Variants in PCDHGB1 observed in about 807,000 individuals in gnomAD.
PCDHGB1 encodes protocadherin gamma-B1.
Under a neutral mutation model 56.6 loss-of-function variants are expected in PCDHGB1, and 34 were observed. That is an observed-to-expected ratio of 0.60 (90% CI 0.46 to 0.80). The LOEUF (loss-of-function observed/expected upper bound fraction) is 0.80. Among genes scored for constraint, PCDHGB1 ranks in the 30% least tolerant of loss-of-function variants. The pLI, the probability that PCDHGB1 is intolerant of heterozygous loss-of-function variation, is 0.00. For synonymous variants in PCDHGB1, 561 were observed against 505.9 expected (o/e 1.11, Z -1.46); for missense variants, 1,278 against 1,204.6 (o/e 1.06, Z -0.90).
At chr5:141,385,412 G>T in intron 1 of PCDHGB1, 1 of 1,472,506 alleles carries the variant, frequency 6.8e-7, no homozygotes, top group Admixed American at 2.7e-5. Context: ...TTGAAAATAG[G>T]GATTTAAAAA....
intron 1 of PCDHGB1, chr5:141,389,301 A>T: frequency 6.2e-7 from 1 of 1,614,008 alleles, no homozygotes; most frequent in Non-Finnish European, 8.5e-7. Context: ...TTCACAAGTC[A>T]GGGCTTCTGA....
At position 141,431,203 on chromosome 5, in the gene PCDHGB1, T is replaced by C. The variant is rs139061906; in HGVS notation, c.2410-63604T>C. On this transcript the variant is annotated intron_variant, in intron 1 of 3. Coordinates refer to ENST00000523390, the MANE Select transcript of PCDHGB1 (RefSeq NM_018922.3). This position sits in a 1 kb window ranked among gnomAD's most constrained non-coding sequence, Gnocchi z 4.8. ...TAAAAATTAGTGAAAATGCAGCCACTGAGATGCGGTTCCCTCTACCCCACG... is the reference window on the plus strand; with the variant it reads ...TAAAAATTAGTGAAAATGCAGCCACCGAGATGCGGTTCCCTCTACCCCACG... The C allele has an allele frequency of 3.1e-6, 5 of 1,614,116 alleles. No individual in the cohort carries two copies. The highest frequency in any genetic ancestry group is 1.1e-5 in the South Asian group (1 of 91,090).
At chr5:141,368,236 C>G (rs1444187989) in intron 1 of PCDHGB1, among the ~76,000 whole-genome samples, 1 of 152,160 alleles carries the variant, frequency 6.6e-6, no homozygotes, top group Non-Finnish European at 1.5e-5. Context: ...CTACATTACT[C>G]AACCACATGA....
chr5:141,413,365 G>A (rs1046513869), intron 1 of PCDHGB1: 14 of 1,614,000 alleles, frequency 8.7e-6, no homozygotes, highest in Non-Finnish European at 1.2e-5. Flanking sequence ...CCGGGAGCTG[G>A]CGGAGCGCGG....
rs1289898516 is a variant in PCDHGB1 at position 141,487,019 on chromosome 5, C to G, written c.2410-7788C>G. ...CTATCAGCTCCTGGAGGCCCCAGAT[C>G]CCAGCCTGTTTGCAGTCTCTCGATA... On this transcript the variant is annotated intron_variant, in intron 1 of 3. Transcript: ENST00000523390. The surrounding 1 kb of genome is among the most constrained non-coding windows in gnomAD (Gnocchi z 5.0). 1 of 1,614,204 alleles carries G rather than the reference C, an allele frequency of 6.2e-7. No homozygotes were observed. The highest frequency in any genetic ancestry group is 8.5e-7 in the Non-Finnish European group (1 of 1,180,042).
intron 1 of PCDHGB1, among the ~76,000 whole-genome samples, chr5:141,465,343 TG>T (rs1048302340): frequency 1.5e-4 from 23 of 152,118 alleles, no homozygotes; most frequent in African/African-American, 5.3e-4. Flanking sequence ...TATTGGTTAC[TG>T]AAGAAAAAAT....
rs867810670 is a variant in PCDHGB1 at position 141,385,551 on chromosome 5, T to C, written c.2409+32882T>C. 11 of 1,313,528 alleles carry C rather than the reference T, an allele frequency of 8.4e-6. No individual in the cohort carries two copies. The African/African-American group carries it at 9.1e-5, about 11-fold the overall frequency. 81.4% of individuals were successfully genotyped at this position (1,313,528 alleles called of 1,614,324 possible). ...GATTATGAATATGTGGACTATCACA[T>C]TTTATAATTTCCACCTACTTTCCAA... On this transcript the variant is annotated intron_variant, in intron 1 of 3. Transcript: ENST00000523390.
chr5:141,428,227 A>T (rs2154552643), intron 1 of PCDHGB1: 1 of 1,100,784 alleles, frequency 9.1e-7, no homozygotes, highest in Admixed American at 1.9e-5. Context: ...CTTCGCAGAC[A>T]GCCTGCAGGA....
chr5:141,468,330 CAA>C lies in PCDHGB1; in HGVS notation c.2410-26459_2410-26458del, dbSNP rs533390277. 202 of 79,822 alleles carry C rather than the reference CAA, an allele frequency of 2.5e-3. 2 individuals are homozygous for C. The highest frequency in any genetic ancestry group is 7.9e-3 in the Middle Eastern group (1 of 126). The allele number at this position is 79,822 out of a possible 1,614,324, so 4.9% of individuals were successfully genotyped here. Reference sequence around the variant, plus strand: ...ACAAGAGCAACGGTAAACTCCATCTCAAAAAAAAAAAAAAAAAAAGAAAGAAA... The same window carrying C: ...ACAAGAGCAACGGTAAACTCCATCTCAAAAAAAAAAAAAAAAAGAAAGAAA... On this transcript the variant is annotated intron_variant, in intron 1 of 3. Transcript: ENST00000523390.
intron 1 of PCDHGB1, among the ~76,000 whole-genome samples, chr5:141,435,314 G>C (rs1490871069): frequency 6.6e-6 from 1 of 152,006 alleles, no homozygotes; most frequent in African/African-American, 2.4e-5. Flanking sequence ...AATCATTCAT[G>C]AACTTCCAAA....
At chr5:141,389,982 C>T in intron 1 of PCDHGB1, 1 of 1,614,034 alleles carries the variant, frequency 6.2e-7, no homozygotes, top group Non-Finnish European at 8.5e-7. Context: ...GATCTCAGTG[C>T]TCTTCCTCGT....
chr5:141,433,199 ATCT>A (rs1202688924), intron 1 of PCDHGB1: 4 of 1,579,570 alleles, frequency 2.5e-6, no homozygotes, highest in East Asian at 2.2e-5. Context: ...TTTATATCAA[ATCT>A]TCTTTCTTTT....
chr5:141,374,565 A>C, intron 1 of PCDHGB1: 1 of 1,613,688 alleles, frequency 6.2e-7, no homozygotes, highest in Non-Finnish European at 8.5e-7. Context: ...TATGACCCTG[A>C]TGTGGGAATG....
intron 1 of PCDHGB1, among the ~76,000 whole-genome samples, chr5:141,406,833 A>G (rs776807611): frequency 3.9e-5 from 6 of 152,238 alleles, no homozygotes; most frequent in Non-Finnish European, 4.4e-5. Flanking sequence ...ATGAACTTGC[A>G]TATCAGATAT....
chr5:141,356,300 C>A (rs1390154856), intron 1 of PCDHGB1: 1 of 1,554,478 alleles, frequency 6.4e-7, no homozygotes, highest in Admixed American at 2.0e-5. Context: ...ACAGTAATTG[C>A]ACTTTTCAAC....
intron 1 of PCDHGB1, among the ~76,000 whole-genome samples, chr5:141,467,702 C>T (rs2099149453): frequency 6.6e-6 from 1 of 152,086 alleles, no homozygotes; most frequent in South Asian, 2.1e-4. Context: ...GGCTCTGTTG[C>T]CCAGGCTGGA....
Position 141,352,628 on chromosome 5 carries a change from GA to G in PCDHGB1, c.2370del (p.Asp791IlefsTer56), listed in dbSNP as rs1561503837. On this transcript the variant is annotated frameshift_variant, in exon 1 of 4. Transcript: ENST00000523390. LOFTEE classifies it high-confidence loss of function. ...DPSMVVCASN[E>X]DHKIAYDPSL... is the part of the protein sequence containing the mutation. ...TTCTATGGTTGTATGTGCCAGTAAT[GA>G]AGATCACAAAATCGCTTATGACCCT... 2.5e-6 allele frequency: 4 copies of G among 1,611,516 alleles called. No homozygotes were observed. The highest frequency in any genetic ancestry group is 3.4e-6 in the Non-Finnish European group (4 of 1,178,694).
chr5:141,485,444 G>A lies in PCDHGB1; in HGVS notation c.2410-9363G>A. 1 of 1,614,110 alleles carries A rather than the reference G, an allele frequency of 6.2e-7. No individual in the cohort carries two copies. Among genetic ancestry groups the A allele is most frequent in the Non-Finnish European group, 8.5e-7 (1 of 1,180,020 alleles). On this transcript the variant is annotated intron_variant, in intron 1 of 3. Coordinates refer to ENST00000523390, the MANE Select transcript of PCDHGB1 (RefSeq NM_018922.3). This position sits in a 1 kb window ranked among gnomAD's most constrained non-coding sequence, Gnocchi z 5.7. ...AGCCCTGCTCATCAAGAACCCAATC[G>A]ACCGAGAGGCACTGTGTGGGCTCAG...
chr5:141,364,793 C>T, intron 1 of PCDHGB1: 1 of 1,614,028 alleles, frequency 6.2e-7, no homozygotes. Context: ...GTTAGTGCTT[C>T]CCTTCGCGCG....
Sources: allele counts gnomAD v4.1 joint callset (sites outside exome capture counted in the v4.1 genomes callset), GRCh38; gene constraint gnomAD v4.1.1; non-coding constraint Gnocchi (gnomAD v3.1); transcripts MANE v1.5; gene names NCBI Gene and HGNC (gene_info 2026-07-23, HGNC 2026-07-21).